LAPTM4A: variants seen among roughly 807,000 people sequenced by gnomAD.
LAPTM4A encodes lysosomal-associated transmembrane protein 4A.
LAPTM4A carries 19 observed loss-of-function variants against 29.9 expected under a neutral mutation model. The ratio of observed to expected loss-of-function variants is 0.64; its 90% confidence interval spans 0.44 to 0.93. The LOEUF (loss-of-function observed/expected upper bound fraction) is 0.93. Ranked by LOEUF, LAPTM4A falls within the 40% of genes least tolerant of loss-of-function variation. The pLI, the probability that LAPTM4A is intolerant of heterozygous loss-of-function variation, is 0.00. For missense variants in LAPTM4A, 293 were observed against 288.5 expected (o/e 1.02, Z -0.11); for synonymous variants, 105 against 102.1 (o/e 1.03, Z -0.17).
Position 20,045,029 on chromosome 2 carries a change from C to T in LAPTM4A, c.112-4018G>A, listed in dbSNP as rs1044349542. Reference sequence around the variant, plus strand: ...AAAGTGCTAGGATGACAGGCACGAGCCACCGCTCCTGGCATCCTTTGATCT... The same window carrying T: ...AAAGTGCTAGGATGACAGGCACGAGTCACCGCTCCTGGCATCCTTTGATCT... On this transcript the variant is annotated intron_variant, in intron 1 of 6. Transcript: ENST00000175091. 2.5e-4 allele frequency among the ~76,000 whole-genome samples: 38 copies of T among 152,208 alleles called. 1 individual carries two copies. The highest frequency in any genetic ancestry group is 2.4e-3 in the Admixed American group (37 of 15,284).
chr2:20,049,887 T>C (rs951054519), intron 1 of LAPTM4A, among the ~76,000 whole-genome samples: 2 of 152,028 alleles, frequency 1.3e-5, no homozygotes, highest in Non-Finnish European at 2.9e-5. Context: ...TTTAGGGAAA[T>C]AGAAGACAGA....
In LAPTM4A at chr2:20,051,591, G is replaced by C; in HGVS notation, c.-71C>G. ...CTCCACCCGCAGCCAAACTCAAACG[G>C]CTGTTTCACGGCCTCCAAAACCCAA... On this transcript the variant is annotated 5_prime_UTR_variant, in exon 1 of 7. Coordinates refer to ENST00000175091, the MANE Select transcript of LAPTM4A (RefSeq NM_014713.5). 1.0e-6 allele frequency: 1 copy of C among 987,976 alleles called. No individual in the cohort carries two copies. The highest frequency in any genetic ancestry group is 1.5e-6 in the Non-Finnish European group (1 of 652,718). The allele number at this position is 987,976 out of a possible 1,614,324, so 61.2% of individuals were successfully genotyped here.
intron 1 of LAPTM4A, among the ~76,000 whole-genome samples, chr2:20,046,737 A>G (rs965497507): frequency 6.9e-5 from 10 of 145,706 alleles, no homozygotes; most frequent in Admixed American, 4.9e-4. Context: ...ATATCTATAT[A>G]TAAATATATA....
chr2:20,039,835 C>T (rs1024396389), intron 2 of LAPTM4A, among the ~76,000 whole-genome samples: 4 of 152,136 alleles, frequency 2.6e-5, no homozygotes, highest in African/African-American at 4.8e-5. Flanking sequence ...GGGTGGATCA[C>T]CTAAGGTCGG....
intron 1 of LAPTM4A, among the ~76,000 whole-genome samples, chr2:20,047,698 A>AAAAAAAAAAAG: frequency 6.8e-6 from 1 of 147,086 alleles, no homozygotes; most frequent in African/African-American, 2.5e-5. Flanking sequence ...CTCCGTCTCA[A>AAAAAAAAAAAG]AAAAAAAAAA....
chr2:20,039,867 A>C (rs1480888161), intron 2 of LAPTM4A, among the ~76,000 whole-genome samples: 2 of 152,124 alleles, frequency 1.3e-5, no homozygotes, highest in Admixed American at 6.5e-5. Context: ...CAACCTGACC[A>C]ACATGGAGTA....
chr2:20,051,558 C>A lies in LAPTM4A; in HGVS notation c.-38G>T. On this transcript the variant is annotated 5_prime_UTR_variant, in exon 1 of 7. Coordinates refer to ENST00000175091, the MANE Select transcript of LAPTM4A (RefSeq NM_014713.5). ...GCCTCCTTCTTGGCCGGGCCCCTGACAAACGTTCTCCACCCGCAGCCAAAC... is the reference window on the plus strand; with the variant it reads ...GCCTCCTTCTTGGCCGGGCCCCTGAAAAACGTTCTCCACCCGCAGCCAAAC... 1 of 1,336,974 alleles carries A rather than the reference C, an allele frequency of 7.5e-7. No individual in the cohort carries two copies. Among genetic ancestry groups the A allele is most frequent in the Non-Finnish European group, 1.0e-6 (1 of 956,154 alleles). 82.8% of individuals were successfully genotyped at this position (1,336,974 alleles called of 1,614,324 possible).
At chr2:20,033,659 C>T (rs1416826378) in intron 6 of LAPTM4A, among the ~76,000 whole-genome samples, 2 of 152,160 alleles carry the variant, frequency 1.3e-5, no homozygotes, top group Admixed American at 6.5e-5. Flanking sequence ...CCCAATAAGA[C>T]GCTAGCTCCT....
intron 1 of LAPTM4A, among the ~76,000 whole-genome samples, chr2:20,042,553 GA>G (rs1415710853): frequency 1.3e-5 from 2 of 152,250 alleles, no homozygotes; most frequent in Non-Finnish European, 2.9e-5. Context: ...AAAGAGAACA[GA>G]GGTGAGGACA....
Position 20,033,232 on chromosome 2 carries a change from T to G in LAPTM4A, c.675A>C (p.Glu225Asp), listed in dbSNP as rs375967735. Residue 225 changes from glutamate to aspartate, a missense_variant, in exon 7 of 7, where the codon GAA becomes GAC. Physicochemically the swap from Glu to Asp is conservative, Grantham distance 45 (BLOSUM62 2). Coordinates refer to ENST00000175091, the MANE Select transcript of LAPTM4A (RefSeq NM_014713.5). The stretch of plus-strand genomic sequence containing the variant: ...AGGCAGGTAAGTAAGGAGGTGGTGG[T>G]TCTTTTTCAGGCATTTTCACGGCCA... ...YEMAVKMPEK[E>D]PPPPYLPA 1.2e-6 allele frequency: 2 copies of G among 1,614,122 alleles called. No individual in the cohort carries two copies. Among genetic ancestry groups the G allele is most frequent in the Non-Finnish European group, 8.5e-7 (1 of 1,180,010 alleles).
intron 4 of LAPTM4A, among the ~76,000 whole-genome samples, chr2:20,036,500 T>C (rs1210760130): frequency 2.0e-5 from 3 of 152,214 alleles, no homozygotes; most frequent in Non-Finnish European, 2.9e-5. Context: ...CACTGATGCA[T>C]CTCTATGACC....
intron 2 of LAPTM4A, among the ~76,000 whole-genome samples, chr2:20,039,654 C>T (rs533388860): frequency 3.3e-5 from 5 of 152,342 alleles, no homozygotes; most frequent in African/African-American, 1.2e-4. Context: ...TTCTGGGTTA[C>T]AGTGAGCTAT....
In LAPTM4A at chr2:20,044,366, T is replaced by C. The variant is rs577399922; in HGVS notation, c.112-3355A>G. 3.9e-5 allele frequency among the ~76,000 whole-genome samples: 6 copies of C among 152,358 alleles called. No individual in the cohort carries two copies. In the East Asian group the frequency reaches 1.2e-3, roughly 29 times the overall value. ...GTCACAGTGAAAAAGCTCTCTGCGG[T>C]ACAGAAATTCCTTTGTCAAGAAAAG... On this transcript the variant is annotated intron_variant, in intron 1 of 6. Coordinates refer to ENST00000175091, the MANE Select transcript of LAPTM4A (RefSeq NM_014713.5).
rs558681285 is a variant in LAPTM4A at position 20,036,062 on chromosome 2, G to A, written c.433-1000C>T. Among the ~76,000 whole-genome samples, 3 of 152,296 alleles carry A rather than the reference G, an allele frequency of 2.0e-5. No homozygotes were observed. In the South Asian group the frequency reaches 6.2e-4, roughly 32 times the overall value. On this transcript the variant is annotated intron_variant, in intron 4 of 6. Transcript: ENST00000175091. Reference sequence around the variant, plus strand: ...CAAAAAGAAAAACACAGAAGGTGGAGCTCATGAGGGAATGCTATGCTAAGG... The same window carrying A: ...CAAAAAGAAAAACACAGAAGGTGGAACTCATGAGGGAATGCTATGCTAAGG...
intron 2 of LAPTM4A, 119 bp from the exon 3 acceptor site, chr2:20,037,733 G>T: frequency 1.1e-4 from 51 of 467,512 alleles, no homozygotes; most frequent in Admixed American, 1.3e-4. Context: ...GCTATAAAAA[G>T]ATCTAAGGCC....
intron 1 of LAPTM4A, among the ~76,000 whole-genome samples, chr2:20,047,331 T>A (rs1162153015): frequency 3.4e-5 from 5 of 146,074 alleles, no homozygotes; most frequent in African/African-American, 1.3e-4. Context: ...GAGGTTGCAG[T>A]GAGCCGAGAT....
Position 20,032,882 on chromosome 2 carries a change from T to G in LAPTM4A, c.*323A>C, listed in dbSNP as rs760003411. The G allele has an allele frequency of 3.4e-6, 1 of 290,814 alleles. No homozygotes were observed. Among genetic ancestry groups the G allele is most frequent in the Non-Finnish European group, 6.5e-6 (1 of 154,048 alleles). 18.0% of individuals were successfully genotyped at this position (290,814 alleles called of 1,614,324 possible). A position where few individuals can be genotyped will look rare whatever the true frequency, so the allele number is the denominator to read the frequency against. On this transcript the variant is annotated 3_prime_UTR_variant, in exon 7 of 7. Transcript: ENST00000175091. ...AAGTAACAAAATGCAAACGATTATATAAAGAAAGTGCAGTTAAAAAGGAAA... is the reference window on the plus strand; with the variant it reads ...AAGTAACAAAATGCAAACGATTATAGAAAGAAAGTGCAGTTAAAAAGGAAA...
chr2:20,046,751 T>C (rs1673930227), intron 1 of LAPTM4A, among the ~76,000 whole-genome samples: 1 of 144,616 alleles, frequency 6.9e-6, no homozygotes, highest in Non-Finnish European at 1.5e-5. Flanking sequence ...ATATATATTA[T>C]ATAAATATAT....
intron 2 of LAPTM4A, 133 bp from the exon 3 acceptor site, chr2:20,037,747 A>T (rs1673711027): frequency 8.5e-6 from 4 of 468,872 alleles, no homozygotes; most frequent in East Asian, 3.3e-5. Context: ...TAAGGCCAAG[A>T]GGGTAAAAAA....
Sources: allele counts gnomAD v4.1 joint callset (sites outside exome capture counted in the v4.1 genomes callset), GRCh38; gene constraint gnomAD v4.1.1; transcripts MANE v1.5; gene names NCBI Gene and HGNC (gene_info 2026-07-23, HGNC 2026-07-21).